Variants in ALDH1L1 observed in about 807,000 individuals in gnomAD.
The protein encoded by ALDH1L1 is aldehyde dehydrogenase 1 family member L1.
A neutral mutation model predicts 101.1 loss-of-function variants in ALDH1L1; 68 were observed. That is an observed-to-expected ratio of 0.67 (90% confidence interval 0.55 to 0.82). ALDH1L1 has a LOEUF of 0.82. Among genes scored for constraint, ALDH1L1 ranks in the 40% least tolerant of loss-of-function variants. The pLI is 0.00. For missense variants in ALDH1L1, 1,087 were observed against 1,172.7 expected, an observed-to-expected ratio of 0.93 and a Z score of 1.07; for synonymous variants, 486 against 470.8, an observed-to-expected ratio of 1.03 and a Z score of -0.42.
Position 126,105,907 on chromosome 3 carries a change from C to T in ALDH1L1, c.2472G>A (p.Leu824=), listed in dbSNP as rs552442699. 4 of 1,613,458 alleles carry T rather than the reference C, an allele frequency of 2.5e-6. No homozygotes were observed. Among genetic ancestry groups the T allele is most frequent in the Admixed American group, 1.7e-5 (1 of 60,020 alleles). ...CAAATTCCGTGGCATTGGCCCGAGA[C>T]AGCACGGCATCCAAGTCCCTGGAGA... ...RFADGDLDAV[L]SRANATEFGL... The change falls in exon 22 of 23, where the codon CTG becomes CTA. Residue 824 remains leucine, a synonymous_variant. Transcript: ENST00000393434.
chr3:126,127,478 C>T (rs930309812), intron 14 of ALDH1L1, among the ~76,000 whole-genome samples: 3 of 152,070 alleles, frequency 2.0e-5, no homozygotes, highest in Non-Finnish European at 2.9e-5. Flanking sequence ...TCCTGGGGAG[C>T]TGCATGGACG....
chr3:126,130,172 A>C, intron 14 of ALDH1L1, 51 bp downstream of exon 14: 1 of 1,533,742 alleles, frequency 6.5e-7, no homozygotes, highest in Non-Finnish European at 8.8e-7. Flanking sequence ...AGTTCCGTGT[A>C]CTGCATGGAA....
intron 1 of ALDH1L1, among the ~76,000 whole-genome samples, chr3:126,169,623 A>G (rs183967725): frequency 4.6e-5 from 7 of 152,296 alleles, no homozygotes; most frequent in African/African-American, 1.7e-4. Context: ...TAAAACCTCA[A>G]AAGAAAAGGA....
intron 22 of ALDH1L1, chr3:126,104,161 C>A: frequency 2.3e-6 from 1 of 434,752 alleles, no homozygotes; most frequent in Non-Finnish European, 4.2e-6. Flanking sequence ...GGCGTTACTG[C>A]CCAGACTCAC....
intron 1 of ALDH1L1, among the ~76,000 whole-genome samples, chr3:126,171,246 C>G (rs996124151): frequency 6.6e-6 from 1 of 152,126 alleles, no homozygotes; most frequent in African/African-American, 2.4e-5. Flanking sequence ...TGCAGTGAGC[C>G]GAGATGGCGC....
chr3:126,107,109 A>C, intron 21 of ALDH1L1, 32 bp downstream of exon 21: 3 of 1,576,662 alleles, frequency 1.9e-6, no homozygotes, highest in Non-Finnish European at 1.7e-6. Flanking sequence ...GGAGAGAGTC[A>C]GGGCCCTTGA....
intron 11 of ALDH1L1, among the ~76,000 whole-genome samples, chr3:126,136,466 C>A (rs970030667): frequency 6.6e-6 from 1 of 152,072 alleles, no homozygotes; most frequent in African/African-American, 2.4e-5. Flanking sequence ...CTGAAGTGTG[C>A]AAGTGTGGCA....
At chr3:126,171,696 G>A (rs535217411) in intron 1 of ALDH1L1, among the ~76,000 whole-genome samples, 26 of 152,148 alleles carry the variant, frequency 1.7e-4, no homozygotes, top group Middle Eastern at 6.8e-3. Context: ...TATTATACCA[G>A]AGCCTAAGTG....
chr3:126,150,710 C>T, intron 7 of ALDH1L1, 179 bp from the exon 8 acceptor site: 2 of 596,240 alleles, frequency 3.4e-6, no homozygotes, highest in South Asian at 4.0e-5. Context: ...CGCGCACCAC[C>T]ATGCCCGACT....
At chr3:126,114,793 T>TCCCCCC in intron 17 of ALDH1L1, 137 bp from the exon 18 acceptor site, 9 of 595,644 alleles carry the variant, frequency 1.5e-5, no homozygotes, top group Non-Finnish European at 2.0e-5. Context: ...GCCTCCCCAC[T>TCCCCCC]CCCCCCCACC....
intron 1 of ALDH1L1, among the ~76,000 whole-genome samples, chr3:126,178,781 C>G (rs1041485702): frequency 6.6e-6 from 1 of 151,594 alleles, no homozygotes; most frequent in Non-Finnish European, 1.5e-5. Context: ...TGTGTGCATG[C>G]GTGTGTTTAT....
chr3:126,105,831 T>C lies in ALDH1L1; in HGVS notation c.2548A>G (p.Ser850Gly). 2.5e-6 allele frequency: 4 copies of C among 1,614,220 alleles called. No homozygotes were observed. Among genetic ancestry groups the C allele is most frequent in the Non-Finnish European group, 3.4e-6 (4 of 1,180,034 alleles). Residue 850 changes from serine (S) to glycine (G), a missense_variant, in exon 22 of 23, where the codon AGT becomes GGT. By Grantham distance (56) the Ser-to-Gly change is moderately conservative (BLOSUM62 0). Around this residue, in one of 2 missense-constraint regions of ALDH1L1, gnomAD observed 442 missense variants for 535.7 expected, o/e 0.83. Transcript: ENST00000393434. ...TRDINKALYVSDKLQAGTVFV... is the reference protein window; with the variant it reads ...TRDINKALYVGDKLQAGTVFV... Reference sequence around the variant, plus strand: ...ACAGTGCCTGCCTGGAGCTTGTCACTGACATACAGGGCCTTGTTGATGTCC... The same window carrying C: ...ACAGTGCCTGCCTGGAGCTTGTCACCGACATACAGGGCCTTGTTGATGTCC...
chr3:126,134,379 C>T (rs894824335), intron 12 of ALDH1L1, among the ~76,000 whole-genome samples: 5 of 152,222 alleles, frequency 3.3e-5, no homozygotes, highest in South Asian at 2.1e-4. Context: ...GTTGGTTGTG[C>T]GGTCCACCAA....
At position 126,137,940 on chromosome 3, in the gene ALDH1L1, T is replaced by C; in HGVS notation, c.1097A>G (p.Glu366Gly). Residue 366 changes from glutamate to glycine, a missense_variant, in exon 10 of 23, where the codon GAG becomes GGG. Around this residue, in one of 2 missense-constraint regions of ALDH1L1, gnomAD observed 645 missense variants for 637.0 expected, o/e 1.01. Coordinates refer to ENST00000393434, the MANE Select transcript of ALDH1L1 (RefSeq NM_012190.4). Reference protein sequence around the residue: ...DVVRLVEEVKELCDGLELENE... With the variant: ...DVVRLVEEVKGLCDGLELENE... ...TTCTAACTCCAGGCCATCACACAGC[T>C]CCTTCACTTCCTCCACCAGCCTGGA... 6.2e-7 allele frequency: 1 copy of C among 1,613,984 alleles called. No individual in the cohort carries two copies. Among genetic ancestry groups the C allele is most frequent in the Non-Finnish European group, 8.5e-7 (1 of 1,179,986 alleles).
In ALDH1L1 at chr3:126,141,317, G is replaced by A. The variant is rs2080563418; in HGVS notation, c.1077-3357C>T. 2.0e-5 allele frequency among the ~76,000 whole-genome samples: 3 copies of A among 151,968 alleles called. No homozygotes were observed. The South Asian group carries it at 6.2e-4, about 32-fold the overall frequency. The stretch of plus-strand genomic sequence containing the variant: ...ACTTAGATGCCCAACTTTCAAAAAT[G>A]GATAGAACTCAAGAGAATAAGATAC... On this transcript the variant is annotated intron_variant, in intron 9 of 22. Coordinates refer to ENST00000393434, the MANE Select transcript of ALDH1L1 (RefSeq NM_012190.4).
intron 5 of ALDH1L1, among the ~76,000 whole-genome samples, chr3:126,154,911 C>G (rs541479074): frequency 1.7e-4 from 26 of 152,300 alleles, no homozygotes; most frequent in African/African-American, 6.0e-4. Context: ...ACAGAGGCCC[C>G]AGCACAATGT....
chr3:126,127,859 G>A (rs540685476), intron 14 of ALDH1L1, among the ~76,000 whole-genome samples: 1 of 152,248 alleles, frequency 6.6e-6, no homozygotes, highest in Non-Finnish European at 1.5e-5. Flanking sequence ...TGACAGGCAT[G>A]GGCACAGGGC....
rs534106250 is a variant in ALDH1L1 at position 126,189,045 on chromosome 3, C to T, written c.-24+8690G>A. ...TCCTTGCTCAGCTGATAAGCCATCT[C>T]GCATCCCATGACTGGGCCAAATCAA... On this transcript the variant is annotated intron_variant, in intron 1 of 2. Transcript: ENST00000509952. Among the ~76,000 whole-genome samples, 3 of 152,286 alleles carry T rather than the reference C, an allele frequency of 2.0e-5. No homozygotes were observed. In the East Asian group the frequency reaches 5.8e-4, roughly 29 times the overall value.
rs7651908 is a variant in ALDH1L1, at chr3:126,158,374, G to A, written c.362+31C>T. 12,756 of 1,516,412 alleles carry A rather than the reference G, an allele frequency of 8.4e-3. 909 individuals are homozygous for A. In the African/African-American group the frequency reaches 0.15, roughly 18 times the overall value. 93.9% of individuals were successfully genotyped at this position (1,516,412 alleles called of 1,614,324 possible). A position where few individuals can be genotyped will look rare whatever the true frequency, so the allele number is the denominator to read the frequency against. On this transcript the variant is annotated intron_variant, in intron 3 of 22. Coordinates refer to ENST00000393434, the MANE Select transcript of ALDH1L1 (RefSeq NM_012190.4). ...AGGCTGATGGAGGGACATGTATGGG[G>A]ATGGCCCCCTGTGTTTTTGCCCCAT...
Sources: gnomAD v4.1 joint callset for allele counts (sites outside exome capture counted in the v4.1 genomes callset) on GRCh38, gnomAD v4.1.1 for gene constraint, gnomAD v4.1.1 regional missense constraint, MANE v1.5 for transcripts, NCBI Gene and HGNC (gene_info 2026-07-23, HGNC 2026-07-21) for gene names.